The following RTTN variants were observed in gnomAD, a reference collection of about 807,000 sequenced individuals.
RTTN encodes rotatin.
Under a neutral mutation model 269.2 loss-of-function variants are expected in RTTN, and 182 were observed. That is an observed-to-expected ratio of 0.68 (90% confidence interval 0.60 to 0.76). RTTN has a LOEUF of 0.76. Ranked by LOEUF, RTTN falls within the 30% of genes least tolerant of loss-of-function variation. The pLI, the probability that RTTN is intolerant of heterozygous loss-of-function variation, is 0.00. For missense variants in RTTN, 2,545 were observed against 2,608.6 expected (o/e 0.98, Z 0.53); for synonymous variants, 1,006 against 963.5 (o/e 1.04, Z -0.82).
At chr18:70,205,518 A>G in intron 1 of RTTN, 110 bp downstream of exon 1, 1 of 1,468,554 alleles carries the variant, frequency 6.8e-7, no homozygotes, top group Non-Finnish European at 9.5e-7. Context: ...AGCGGGGGTG[A>G]AAGAGGGAGC....
intron 23 of RTTN, chr18:70,131,217 A>G (rs1213925131): frequency 2.0e-5 from 3 of 151,634 alleles, no homozygotes; most frequent in Non-Finnish European, 4.4e-5. Context: ...AAAAACTCTT[A>G]AAAAAACAAA....
intron 14 of RTTN, among the ~76,000 whole-genome samples, chr18:70,165,793 A>G (rs2060969212): frequency 6.6e-6 from 1 of 152,128 alleles, no homozygotes; most frequent in African/African-American, 2.4e-5. Flanking sequence ...CTGGAAATCA[A>G]TTTTCCTTAT....
intron 11 of RTTN, among the ~76,000 whole-genome samples, chr18:70,169,381 T>C (rs1448080974): frequency 6.6e-6 from 1 of 152,222 alleles, no homozygotes; most frequent in African/African-American, 2.4e-5. Flanking sequence ...ATACCTCTGC[T>C]ATTGAACTAA....
At chr18:70,201,794 C>A (rs1414202205) in intron 4 of RTTN, 100 bp downstream of exon 4, 18 of 684,830 alleles carry the variant, frequency 2.6e-5, no homozygotes, top group Non-Finnish European at 4.6e-5. Context: ...GGTGCTGAAA[C>A]ATTCAAGTTT....
chr18:70,092,568 CAA>C (rs1379987298), intron 29 of RTTN, 106 bp downstream of exon 29: 3 of 1,290,902 alleles, frequency 2.3e-6, no homozygotes, highest in Admixed American at 2.4e-5. Context: ...AAAGAAAAGT[CAA>C]AAGAGACATT....
intron 8 of RTTN, among the ~76,000 whole-genome samples, chr18:70,191,984 G>C (rs1368069008): frequency 6.6e-6 from 1 of 152,128 alleles, no homozygotes; most frequent in African/African-American, 2.4e-5. Flanking sequence ...TAAGGACTAA[G>C]AGCATAGACT....
At chr18:70,137,996 C>T (rs1271506761) in intron 21 of RTTN, among the ~76,000 whole-genome samples, 1 of 152,034 alleles carries the variant, frequency 6.6e-6, no homozygotes, top group African/African-American at 2.4e-5. Flanking sequence ...ATTAATTTTT[C>T]GGCCAGGCAC....
chr18:70,163,443 C>T (rs1416159357), intron 14 of RTTN, among the ~76,000 whole-genome samples: 1 of 151,814 alleles, frequency 6.6e-6, no homozygotes, highest in African/African-American at 2.4e-5. Context: ...GAATCCTTGG[C>T]ACTGCCAGTG....
rs2056572395 is a variant in RTTN at position 70,017,398 on chromosome 18, A to G, written c.6421+9T>C. On this transcript the variant is annotated intron_variant, in intron 46 of 48. Transcript: ENST00000640769. ...ACATATATAAATGTATGTGTGTGTGAAAACTTACCATTAGCCAGGATCTTG... is the reference window on the plus strand; with the variant it reads ...ACATATATAAATGTATGTGTGTGTGGAAACTTACCATTAGCCAGGATCTTG... 1 of 1,612,140 alleles carries G rather than the reference A, an allele frequency of 6.2e-7. No individual in the cohort carries two copies. The highest frequency in any genetic ancestry group is 8.5e-7 in the Non-Finnish European group (1 of 1,178,830).
rs2056674321 is a variant in RTTN at position 70,020,598 on chromosome 18, G to A, written c.6153+17C>T. 2.5e-6 allele frequency: 4 copies of A among 1,586,852 alleles called. No homozygotes were observed. Among genetic ancestry groups the A allele is most frequent in the Admixed American group, 1.7e-5 (1 of 58,846 alleles). ...CTGAGTACCCTTTTAAGATATGTGG[G>A]GAGTTTAAGTGCGTACCTTCTGAAT... is the stretch of plus-strand genomic sequence containing the variant. On this transcript the variant is annotated intron_variant, in intron 45 of 48. Transcript: ENST00000640769.
intron 28 of RTTN, among the ~76,000 whole-genome samples, chr18:70,098,214 A>G (rs1179211736): frequency 6.6e-6 from 1 of 152,240 alleles, no homozygotes; most frequent in African/African-American, 2.4e-5. Flanking sequence ...GGCAGTGTTA[A>G]GAGGGAAATT....
At chr18:70,103,715 C>A (rs1243136657) in intron 28 of RTTN, among the ~76,000 whole-genome samples, 1 of 139,356 alleles carries the variant, frequency 7.2e-6, no homozygotes, top group Non-Finnish European at 1.5e-5. Flanking sequence ...ATGACCCTGC[C>A]ACATCCCCCT....
intron 23 of RTTN, chr18:70,131,675 G>A (rs1382467024): frequency 4.6e-5 from 7 of 151,352 alleles, no homozygotes; most frequent in South Asian, 2.1e-4. Context: ...GATCCCAATC[G>A]CTACAAATAA....
intron 34 of RTTN, among the ~76,000 whole-genome samples, chr18:70,073,026 ATAGAT>A (rs1371588141): frequency 6.6e-6 from 1 of 152,168 alleles, no homozygotes; most frequent in Non-Finnish European, 1.5e-5. Context: ...AAACTAGGAG[ATAGAT>A]TAAACATAAT....
chr18:70,114,557 GTGA>G lies in RTTN; in HGVS notation c.3568_3570del (p.Ser1190del). On this transcript the variant is annotated inframe_deletion, in exon 27 of 49. Transcript: ENST00000640769. The stretch of plus-strand genomic sequence containing the variant: ...ATATCATCTGTTTCTTCTCGTGCCT[GTGA>G]CTCTGTCAGAACCAAGAGGTCTAAC... The G allele has an allele frequency of 6.2e-7, 1 of 1,613,572 alleles. No individual in the cohort carries two copies. Among genetic ancestry groups the G allele is most frequent in the Non-Finnish European group, 8.5e-7 (1 of 1,179,590 alleles).
intron 5 of RTTN, among the ~76,000 whole-genome samples, chr18:70,197,997 C>T (rs950340778): frequency 2.6e-5 from 4 of 152,122 alleles, no homozygotes; most frequent in Admixed American, 6.5e-5. Flanking sequence ...AGAGCAGGAA[C>T]GACATCATAC....
Position 70,003,520 on chromosome 18 carries a change from C to T in RTTN, c.*631G>A, listed in dbSNP as rs1279972467. ...GAGTCATCTAGGAAGAAGATAACAT[C>T]ACTAAAACTTGCCTAAGAAAGCTAC... On this transcript the variant is annotated 3_prime_UTR_variant, in exon 49 of 49. Transcript: ENST00000640769. The T allele has an allele frequency of 6.6e-6, 1 of 152,174 alleles. No homozygotes were observed. Among genetic ancestry groups the T allele is most frequent in the African/African-American group, 2.4e-5 (1 of 41,432 alleles). 9.4% of individuals were successfully genotyped at this position (152,174 alleles called of 1,614,324 possible).
rs558513353 is a variant in RTTN, at chr18:70,054,040, A to G, written c.5185+91T>C. ...AAATACTAGCAAAAAGAAACTCAAA[A>G]AGTAACCTTCAAGTGAATATCTGAA... is the stretch of plus-strand genomic sequence containing the variant. On this transcript the variant is annotated intron_variant, in intron 38 of 48. Transcript: ENST00000640769. The G allele has an allele frequency of 9.9e-5, 112 of 1,126,550 alleles. 2 individuals are homozygous for G. The highest frequency in any genetic ancestry group is 5.9e-4 in the South Asian group (36 of 61,374). The allele number at this position is 1,126,550 out of a possible 1,614,324, so 69.8% of individuals were successfully genotyped here.
At chr18:70,079,645 C>G (rs969943742) in intron 32 of RTTN, among the ~76,000 whole-genome samples, 1 of 152,088 alleles carries the variant, frequency 6.6e-6, no homozygotes, top group Non-Finnish European at 1.5e-5. Flanking sequence ...AGTTCTGGGG[C>G]TGCCAGATCG....
Sources: allele counts gnomAD v4.1 joint callset (sites outside exome capture counted in the v4.1 genomes callset), GRCh38; gene constraint gnomAD v4.1.1; transcripts MANE v1.5; gene names NCBI Gene and HGNC (gene_info 2026-07-23, HGNC 2026-07-21).